The following B3GLCT variants were observed in gnomAD, a reference collection of about 807,000 sequenced individuals.
B3GLCT encodes the protein beta-1,3-glucosyltransferase.
B3GLCT carries 65 observed loss-of-function variants against 63.4 expected under a neutral mutation model. The ratio of observed to expected loss-of-function variants is 1.03; its 90% CI spans 0.84 to 1.26. The LOEUF (loss-of-function observed/expected upper bound fraction) is 1.26, where lower values mean the gene tolerates loss of function less well. B3GLCT is among the 50% of genes most tolerant of loss of function. The pLI is 0.00. For synonymous variants in B3GLCT, 233 were observed against 219.2 expected (o/e 1.06, Z -0.55); for missense variants, 577 against 604.8 (o/e 0.95, Z 0.48).
At chr13:31,243,513 T>C (rs1871051039) in intron 4 of B3GLCT, among the ~76,000 whole-genome samples, 1 of 152,210 alleles carries the variant, frequency 6.6e-6, no homozygotes, top group African/African-American at 2.4e-5. Flanking sequence ...TATTAATATT[T>C]CTACATATAA....
At chr13:31,273,363 GGATTATAGGCGT>G (rs1199661549) in intron 8 of B3GLCT, among the ~76,000 whole-genome samples, 1 of 152,200 alleles carries the variant, frequency 6.6e-6, no homozygotes, top group Non-Finnish European at 1.5e-5. Context: ...CAAAGTGCTG[GGATTATAGGCGT>G]GAGCCACCAC....
At chr13:31,295,319 G>C (rs1381061689) in intron 12 of B3GLCT, among the ~76,000 whole-genome samples, 1 of 152,202 alleles carries the variant, frequency 6.6e-6, no homozygotes, top group Non-Finnish European at 1.5e-5. Context: ...GAGGGAGTCT[G>C]TCCCTTAGCA....
intron 9 of B3GLCT, 85 bp downstream of exon 9, chr13:31,274,713 A>C: frequency 6.5e-7 from 1 of 1,533,396 alleles, no homozygotes; most frequent in Non-Finnish European, 9.0e-7. Flanking sequence ...CTTTAAAATG[A>C]ATTTTAAATT....
chr13:31,247,782 A>C, intron 5 of B3GLCT, 73 bp from the exon 6 acceptor site: 7 of 749,620 alleles, frequency 9.3e-6, no homozygotes, highest in African/African-American at 1.8e-5. Flanking sequence ...TTCACTTCCT[A>C]CTGATCAGTT....
intron 6 of B3GLCT, 25 bp from the exon 7 acceptor site, chr13:31,260,921 G>GACATGTTATA: frequency 6.2e-7 from 1 of 1,603,812 alleles, no homozygotes; most frequent in Non-Finnish European, 8.5e-7. Flanking sequence ...TTTTTAAAGT[G>GACATGTTATA]ACATGTTATA....
intron 6 of B3GLCT, among the ~76,000 whole-genome samples, chr13:31,257,489 G>T (rs1422475737): frequency 1.3e-5 from 2 of 151,932 alleles, no homozygotes; most frequent in Admixed American, 6.6e-5. Context: ...CAAGAAGAAA[G>T]TCATCATATG....
chr13:31,317,416 T>C lies in B3GLCT; in HGVS notation c.1065-150T>C, dbSNP rs1875098300. 3 of 873,486 alleles carry C rather than the reference T, an allele frequency of 3.4e-6. No homozygotes were observed. The Admixed American group carries it at 6.4e-5, about 19-fold the overall frequency. The allele number at this position is 873,486 out of a possible 1,614,324, so 54.1% of individuals were successfully genotyped here. A position where few individuals can be genotyped will look rare whatever the true frequency, so the allele number is the denominator to read the frequency against. ...TTTTTTTGTTGTTGTTTAAAAATTT[T>C]ATTTATTTTATAAGTCACTCAAATT... is the stretch of plus-strand genomic sequence containing the variant. On this transcript the variant is annotated intron_variant, in intron 12 of 14. Coordinates refer to ENST00000343307, the MANE Select transcript of B3GLCT (RefSeq NM_194318.4).
intron 7 of B3GLCT, among the ~76,000 whole-genome samples, chr13:31,268,912 A>G (rs1224731336): frequency 1.3e-5 from 2 of 152,184 alleles, no homozygotes; most frequent in African/African-American, 4.8e-5. Context: ...TATTTAGTGT[A>G]AAGATGATAA....
chr13:31,281,161 A>C (rs1403929191), intron 10 of B3GLCT, among the ~76,000 whole-genome samples: 1 of 152,054 alleles, frequency 6.6e-6, no homozygotes, highest in Non-Finnish European at 1.5e-5. Flanking sequence ...GGGTTGTGGG[A>C]TGCTCTCCTG....
intron 6 of B3GLCT, among the ~76,000 whole-genome samples, chr13:31,248,900 G>A (rs1182928447): frequency 6.6e-6 from 1 of 152,150 alleles, no homozygotes; most frequent in African/African-American, 2.4e-5. Flanking sequence ...GGTTTAGAGA[G>A]CTGCCTTGGA....
At chr13:31,280,044 C>G (rs76814435) in intron 10 of B3GLCT, among the ~76,000 whole-genome samples, 23 of 152,206 alleles carry the variant, frequency 1.5e-4, no homozygotes, top group African/African-American at 5.5e-4. Context: ...GTTCTTTTTT[C>G]AAGGTGCCCA....
intron 11 of B3GLCT, among the ~76,000 whole-genome samples, chr13:31,285,029 A>T (rs1873251622): frequency 6.6e-6 from 1 of 152,168 alleles, no homozygotes; most frequent in Non-Finnish European, 1.5e-5. Context: ...TACCTTCATA[A>T]TTCTTTGCGA....
At chr13:31,211,589 GT>G (rs1243817859) in intron 1 of B3GLCT, among the ~76,000 whole-genome samples, 2,926 of 142,788 alleles carry the variant, frequency 0.02, 96 homozygotes, top group African/African-American at 0.068. Flanking sequence ...TTTGGTTTGG[GT>G]TTTTTTTTTT....
intron 1 of B3GLCT, among the ~76,000 whole-genome samples, chr13:31,202,268 G>A (rs1868712438): frequency 6.6e-6 from 1 of 152,154 alleles, no homozygotes; most frequent in African/African-American, 2.4e-5. Flanking sequence ...AAACCCACAT[G>A]CATATACAGA....
intron 12 of B3GLCT, among the ~76,000 whole-genome samples, chr13:31,298,289 G>T (rs1342792964): frequency 6.6e-6 from 1 of 152,192 alleles, no homozygotes; most frequent in African/African-American, 2.4e-5. Context: ...TCGTTCTTCA[G>T]ATACCTTACA....
intron 9 of B3GLCT, among the ~76,000 whole-genome samples, chr13:31,275,611 T>A (rs1323861911): frequency 6.6e-6 from 1 of 152,158 alleles, no homozygotes; most frequent in Non-Finnish European, 1.5e-5. Flanking sequence ...ATTCACTTGT[T>A]TTGGCAGACC....
chr13:31,221,745 A>C (rs369250554), intron 2 of B3GLCT, among the ~76,000 whole-genome samples: 1 of 152,132 alleles, frequency 6.6e-6, no homozygotes. Context: ...GCCGCTCCCA[A>C]TTTTGTTGGT....
chr13:31,300,949 C>T (rs1265336927), intron 12 of B3GLCT, among the ~76,000 whole-genome samples: 1 of 152,134 alleles, frequency 6.6e-6, no homozygotes, highest in East Asian at 1.9e-4. Context: ...TGTTAGCATC[C>T]TTCCTTCCAA....
At chr13:31,276,831 A>G (rs1593291779) in intron 10 of B3GLCT, 60 bp downstream of exon 10, 10 of 1,212,494 alleles carry the variant, frequency 8.2e-6, no homozygotes, top group Non-Finnish European at 1.1e-5. Flanking sequence ...TCTAAAGAAA[A>G]GTACCAATGA....
Sources: gnomAD v4.1 joint callset for allele counts (sites outside exome capture counted in the v4.1 genomes callset) on GRCh38, gnomAD v4.1.1 for gene constraint, MANE v1.5 for transcripts, NCBI Gene and HGNC (gene_info 2026-07-23, HGNC 2026-07-21) for gene names.